RSPO2: variants seen among roughly 807,000 people sequenced by gnomAD.
RSPO2 encodes the protein R-spondin 2.
In RSPO2, 14 loss-of-function variants were observed where a neutral mutation model predicts 30.9. That is an observed-to-expected ratio of 0.45 (90% confidence interval 0.30 to 0.71). The LOEUF (loss-of-function observed/expected upper bound fraction) is 0.71. RSPO2 is among the 30% of genes least tolerant of loss of function. RSPO2 has a pLI of 0.08. For synonymous variants in RSPO2, 107 were observed against 96.4 expected, an observed-to-expected ratio of 1.11 and a Z score of -0.64; for missense variants, 264 against 301.9, an observed-to-expected ratio of 0.87 and a Z score of 0.93.
At chr8:107,987,317 G>T (rs1262916435) in intron 3 of RSPO2, among the ~76,000 whole-genome samples, 19 of 152,016 alleles carry the variant, frequency 1.2e-4, no homozygotes, top group Non-Finnish European at 1.2e-4. Flanking sequence ...CCTCACTTCT[G>T]CTAGAATTAT....
chr8:108,069,200 A>AACACACACAC (rs56977468), intron 2 of RSPO2, among the ~76,000 whole-genome samples: 156 of 148,366 alleles, frequency 1.1e-3, no homozygotes, highest in Non-Finnish European at 1.6e-3. Flanking sequence ...TGTATGTGTG[A>AACACACACAC]ACACACACAC....
chr8:107,912,693 C>T (rs969193286), intron 5 of RSPO2, among the ~76,000 whole-genome samples: 3 of 152,120 alleles, frequency 2.0e-5, no homozygotes, highest in African/African-American at 7.2e-5. Flanking sequence ...AATTGATAAT[C>T]AAGTTTGGGG....
intron 2 of RSPO2, among the ~76,000 whole-genome samples, chr8:108,016,199 A>T (rs968757570): frequency 1.3e-5 from 2 of 152,186 alleles, no homozygotes; most frequent in East Asian, 3.9e-4. Context: ...TAGGGTCTCA[A>T]ATATATATAT....
In RSPO2 at chr8:107,994,640, A is replaced by C. The variant is rs145024433; in HGVS notation, c.95-5396T>G. Among the ~76,000 whole-genome samples, 349 of 152,284 alleles carry C rather than the reference A, an allele frequency of 2.3e-3. 2 individuals are homozygous for C. Among genetic ancestry groups the C allele is most frequent in the Admixed American group, 6.9e-3 (106 of 15,276 alleles). ...AATATTAAAAATTCATGTAACTTTTAGTTTTCACTACGCCAAGCAAGGTCA... is the reference window on the plus strand; with the variant it reads ...AATATTAAAAATTCATGTAACTTTTCGTTTTCACTACGCCAAGCAAGGTCA... On this transcript the variant is annotated intron_variant, in intron 2 of 5. Transcript: ENST00000276659.
In RSPO2 at chr8:108,056,960, G is replaced by A. The variant is rs148299343; in HGVS notation, c.94+25585C>T. On this transcript the variant is annotated intron_variant, in intron 2 of 5. Coordinates refer to ENST00000276659, the MANE Select transcript of RSPO2 (RefSeq NM_178565.5). ...TAATCCCAGCTACTCAGGAGGCTGA[G>A]GCAGGAGAATCTCTTGAACCTGGGA... Among the ~76,000 whole-genome samples, 1,267 of 147,424 alleles carry A rather than the reference G, an allele frequency of 8.6e-3. 35 individuals are homozygous for A. The highest frequency in any genetic ancestry group is 0.03 in the African/African-American group (1,204 of 40,328).
In RSPO2 at chr8:107,901,240, AG is replaced by A. The variant is rs778935585; in HGVS notation, c.617-51del. The A allele has an allele frequency of 5.2e-6, 8 of 1,546,598 alleles. No homozygotes were observed. In the South Asian group the frequency reaches 9.8e-5, roughly 19 times the overall value. ...AGATGTCAGAAATGGCTCTTTCTCTAGGAAAGAAAACACAAAAATATTGGGA... is the reference window on the plus strand; with the variant it reads ...AGATGTCAGAAATGGCTCTTTCTCTAGAAAGAAAACACAAAAATATTGGGA... On this transcript the variant is annotated intron_variant, in intron 5 of 5. Transcript: ENST00000276659.
chr8:107,925,219 G>A (rs1234615312), intron 5 of RSPO2, among the ~76,000 whole-genome samples: 1 of 151,668 alleles, frequency 6.6e-6, no homozygotes, highest in Non-Finnish European at 1.5e-5. Flanking sequence ...TCAGGTGACA[G>A]GCGCACTAAA....
intron 2 of RSPO2, among the ~76,000 whole-genome samples, chr8:108,010,180 G>A (rs2130582957): frequency 6.6e-6 from 1 of 152,314 alleles, no homozygotes; most frequent in Non-Finnish European, 1.5e-5. Context: ...ATCTTTCAGA[G>A]CCAATTATCT....
At chr8:107,954,901 G>T (rs1027842142) in intron 5 of RSPO2, among the ~76,000 whole-genome samples, 1 of 152,108 alleles carries the variant, frequency 6.6e-6, no homozygotes, top group Non-Finnish European at 1.5e-5. Flanking sequence ...GAGCCATTGC[G>T]CCTGGCCTCT....
intron 5 of RSPO2, among the ~76,000 whole-genome samples, chr8:107,926,166 C>A (rs1300453328): frequency 1.3e-5 from 2 of 152,144 alleles, no homozygotes; most frequent in African/African-American, 2.4e-5. Context: ...TGATGGTGAG[C>A]ATTTTTTCAT....
At chr8:107,969,738 T>C (rs984554520) in intron 3 of RSPO2, among the ~76,000 whole-genome samples, 1 of 152,150 alleles carries the variant, frequency 6.6e-6, no homozygotes, top group African/African-American at 2.4e-5. Flanking sequence ...AGCAAAGGAA[T>C]GTGATAGTAA....
chr8:107,924,600 T>A (rs940885033), intron 5 of RSPO2, among the ~76,000 whole-genome samples: 10 of 152,094 alleles, frequency 6.6e-5, no homozygotes, highest in African/African-American at 2.4e-4. Context: ...AAATTTTAAA[T>A]TTATTATTAT....
chr8:107,907,889 A>G (rs1387275867), intron 5 of RSPO2, among the ~76,000 whole-genome samples: 1 of 152,116 alleles, frequency 6.6e-6, no homozygotes, highest in Non-Finnish European at 1.5e-5. Flanking sequence ...AATTTTTCTC[A>G]TAGAAGACAT....
intron 3 of RSPO2, among the ~76,000 whole-genome samples, chr8:107,969,534 C>G (rs1813926391): frequency 6.6e-6 from 1 of 152,046 alleles, no homozygotes; most frequent in Admixed American, 6.5e-5. Context: ...ATTATGTGGT[C>G]AAATAACGAG....
At chr8:108,066,715 AAC>A (rs761395704) in intron 2 of RSPO2, among the ~76,000 whole-genome samples, 20 of 152,318 alleles carry the variant, frequency 1.3e-4, no homozygotes, top group Middle Eastern at 3.4e-3. Context: ...CTGAAAAAGG[AAC>A]AGTTTTTAAT....
intron 5 of RSPO2, among the ~76,000 whole-genome samples, chr8:107,945,312 G>A (rs1484683576): frequency 1.2e-4 from 17 of 138,448 alleles, no homozygotes; most frequent in East Asian, 6.6e-4. Context: ...GCAGTGGCGC[G>A]ATCTCGGCTC....
At chr8:108,007,689 T>C (rs1815494888) in intron 2 of RSPO2, among the ~76,000 whole-genome samples, 2 of 152,290 alleles carry the variant, frequency 1.3e-5, no homozygotes, top group South Asian at 4.2e-4. Flanking sequence ...TTTTTATTCA[T>C]AGTACCCCCA....
chr8:107,944,052 G>C (rs1052859973), intron 5 of RSPO2, among the ~76,000 whole-genome samples: 2 of 152,106 alleles, frequency 1.3e-5, no homozygotes, highest in African/African-American at 4.8e-5. Flanking sequence ...TCAGTATTTT[G>C]CAAAATAGAC....
At chr8:107,986,146 C>A (rs1814621841) in intron 3 of RSPO2, among the ~76,000 whole-genome samples, 1 of 152,130 alleles carries the variant, frequency 6.6e-6, no homozygotes, top group African/African-American at 2.4e-5. Flanking sequence ...CAATTTAAAT[C>A]TTTCTCATCC....
Sources: gnomAD v4.1 joint callset for allele counts (sites outside exome capture counted in the v4.1 genomes callset) on GRCh38, gnomAD v4.1.1 for gene constraint, MANE v1.5 for transcripts, NCBI Gene and HGNC (gene_info 2026-07-23, HGNC 2026-07-21) for gene names.